TRAPPC9: variants seen among roughly 807,000 people sequenced by gnomAD.
TRAPPC9 encodes the protein trafficking protein particle complex subunit 9, also known as IKK2 binding protein.
A neutral mutation model predicts 124.0 loss-of-function variants in TRAPPC9; 83 were observed. That is an observed-to-expected ratio of 0.67 (90% CI 0.56 to 0.80). TRAPPC9 has a LOEUF of 0.80. Among genes scored for constraint, TRAPPC9 ranks in the 30% least tolerant of loss-of-function variants. The pLI, the probability that TRAPPC9 is intolerant of heterozygous loss-of-function variation, is 0.00. For synonymous variants in TRAPPC9, 638 were observed against 617.5 expected (o/e 1.03, Z -0.49); for missense variants, 1,302 against 1,508.3 (o/e 0.86, Z 2.27).
chr8:140,269,312 C>T (rs982947325), intron 15 of TRAPPC9, among the ~76,000 whole-genome samples: 5 of 151,564 alleles, frequency 3.3e-5, no homozygotes, highest in East Asian at 1.9e-4. Flanking sequence ...GAGACTGAGG[C>T]GGGCAGATCA....
At chr8:140,068,022 G>GA (rs397810409) in intron 17 of TRAPPC9, among the ~76,000 whole-genome samples, 5 of 12,654 alleles carry the variant, frequency 4.0e-4, no homozygotes, top group African/African-American at 2.5e-3. Context: ...TCCATTTTTT[G>GA]TTGCCCGTAT....
intron 11 of TRAPPC9, 98 bp downstream of exon 11, chr8:140,300,371 A>T: frequency 6.7e-7 from 1 of 1,483,696 alleles, no homozygotes; most frequent in Non-Finnish European, 9.4e-7. Flanking sequence ...ACACATGCAC[A>T]TGCATGAACT....
chr8:140,130,403 A>C (rs1335676634), intron 17 of TRAPPC9, among the ~76,000 whole-genome samples: 1 of 152,202 alleles, frequency 6.6e-6, no homozygotes, highest in African/African-American at 2.4e-5. Flanking sequence ...GTACGATGGG[A>C]ACATGGCATC....
At chr8:139,803,944 T>C (rs1304585304) in intron 21 of TRAPPC9, among the ~76,000 whole-genome samples, 1 of 152,064 alleles carries the variant, frequency 6.6e-6, no homozygotes, top group Non-Finnish European at 1.5e-5. Context: ...TGAAGAAAGA[T>C]GGTCCCCAAT....
intron 20 of TRAPPC9, among the ~76,000 whole-genome samples, chr8:139,896,816 A>C (rs1191401876): frequency 6.6e-6 from 1 of 152,222 alleles, no homozygotes; most frequent in East Asian, 1.9e-4. Flanking sequence ...GCCCAGAGGG[A>C]AGCCCAGCAC....
intron 18 of TRAPPC9, among the ~76,000 whole-genome samples, chr8:140,022,723 C>A (rs1839895259): frequency 6.6e-6 from 1 of 152,182 alleles, no homozygotes; most frequent in Admixed American, 6.5e-5. Flanking sequence ...CAAGCTTCCC[C>A]AGGGGCAAGT....
chr8:139,828,049 A>G (rs1017098889), intron 21 of TRAPPC9, among the ~76,000 whole-genome samples: 2 of 152,150 alleles, frequency 1.3e-5, no homozygotes, highest in Non-Finnish European at 2.9e-5. Context: ...AACACCTCCC[A>G]CCAGGCCCCA....
At chr8:140,081,368 C>CA (rs1283767198) in intron 17 of TRAPPC9, among the ~76,000 whole-genome samples, 1 of 110,432 alleles carries the variant, frequency 9.1e-6, no homozygotes, top group Non-Finnish European at 1.9e-5. Flanking sequence ...TTTTTTGAGA[C>CA]AGAGTCTCAC....
intron 9 of TRAPPC9, among the ~76,000 whole-genome samples, chr8:140,334,210 A>AT (rs1260905537): frequency 6.6e-6 from 1 of 152,198 alleles, no homozygotes; most frequent in African/African-American, 2.4e-5. Context: ...TCCACCCTCT[A>AT]TAAGGAAGAA....
intron 19 of TRAPPC9, among the ~76,000 whole-genome samples, chr8:139,968,534 T>C (rs1374823768): frequency 6.6e-6 from 1 of 152,206 alleles, no homozygotes; most frequent in East Asian, 1.9e-4. Flanking sequence ...TGGGCAGGGA[T>C]ACGTGCATTC....
At chr8:140,442,473 C>T (rs2132647810) in intron 2 of TRAPPC9, among the ~76,000 whole-genome samples, 1 of 151,932 alleles carries the variant, frequency 6.6e-6, no homozygotes, top group African/African-American at 2.4e-5. Flanking sequence ...GTGGCAGGCG[C>T]CGTAGTCCCA....
At chr8:139,928,534 T>A (rs1230763379) in intron 19 of TRAPPC9, among the ~76,000 whole-genome samples, 1 of 151,432 alleles carries the variant, frequency 6.6e-6, no homozygotes, top group Non-Finnish European at 1.5e-5. Flanking sequence ...TGGGTTCAAA[T>A]CTTAGGCCTG....
At chr8:140,370,613 A>G (rs893826948) in intron 8 of TRAPPC9, among the ~76,000 whole-genome samples, 3 of 152,248 alleles carry the variant, frequency 2.0e-5, no homozygotes, top group African/African-American at 7.2e-5. Context: ...CATATACCCA[A>G]GGATATTTAT....
chr8:139,910,220 T>C lies in TRAPPC9; in HGVS notation c.2891A>G (p.Lys964Arg). The change falls in exon 20 of 23, where the codon AAG becomes AGG. Residue 964 changes from lysine (K) to arginine (R), a missense_variant. Coordinates refer to ENST00000438773, the MANE Select transcript of TRAPPC9 (RefSeq NM_001160372.4). ...TTCCCGCCGCTCTTCCTCCAGCTGC[T>C]TGGGGTTTGCAAATTGCCCCTTCTC... is the stretch of plus-strand genomic sequence containing the variant. ...PGEKGQFANP[K>R]QLEEERREAR... 1 of 1,614,168 alleles carries C rather than the reference T, an allele frequency of 6.2e-7. No homozygotes were observed. The highest frequency in any genetic ancestry group is 8.5e-7 in the Non-Finnish European group (1 of 1,180,038).
At chr8:140,296,423 C>G (rs1414372982) in intron 11 of TRAPPC9, among the ~76,000 whole-genome samples, 1 of 152,162 alleles carries the variant, frequency 6.6e-6, no homozygotes, top group Non-Finnish European at 1.5e-5. Context: ...CGCCACCAGG[C>G]CTGGCTATTT....
At chr8:140,366,190 T>G (rs947104238) in intron 8 of TRAPPC9, among the ~76,000 whole-genome samples, 4 of 152,234 alleles carry the variant, frequency 2.6e-5, no homozygotes, top group Admixed American at 2.6e-4. Context: ...TGAGGTTGAT[T>G]CCATATCTTT....
chr8:140,239,685 GC>G (rs1360208117), intron 16 of TRAPPC9, among the ~76,000 whole-genome samples: 1 of 152,226 alleles, frequency 6.6e-6, no homozygotes, highest in Non-Finnish European at 1.5e-5. Flanking sequence ...GCTCTCGCCA[GC>G]CCCTGGGCTC....
chr8:140,252,742 C>G lies in TRAPPC9; in HGVS notation c.2431+35G>C. 1 of 1,609,832 alleles carries G rather than the reference C, an allele frequency of 6.2e-7. No individual in the cohort carries two copies. Among genetic ancestry groups the G allele is most frequent in the Non-Finnish European group, 8.5e-7 (1 of 1,179,714 alleles). On this transcript the variant is annotated intron_variant, in intron 16 of 22. Coordinates refer to ENST00000438773, the MANE Select transcript of TRAPPC9 (RefSeq NM_001160372.4). The surrounding 1 kb of genome is among the most constrained non-coding windows in gnomAD (Gnocchi z 4.2). Reference sequence around the variant, plus strand: ...GGGGTTGCTACACAGTATCTAGGACCCTGACGTGCTAATTAAAATTAGGAA... The same window carrying G: ...GGGGTTGCTACACAGTATCTAGGACGCTGACGTGCTAATTAAAATTAGGAA...
chr8:139,956,464 G>A lies in TRAPPC9; in HGVS notation c.2810+32262C>T, dbSNP rs113600536. On this transcript the variant is annotated intron_variant, in intron 19 of 22. Transcript: ENST00000438773. ...GCGTGAGCCACCGCGCCCGGCCCAT[G>A]GGATGTTGTTTCTGAGGCATGTGTC... Among the ~76,000 whole-genome samples, 378 of 152,280 alleles carry A rather than the reference G, an allele frequency of 2.5e-3. 4 individuals carry two copies. The highest frequency in any genetic ancestry group is 7.8e-3 in the African/African-American group (325 of 41,572).
Sources: gnomAD v4.1 joint callset for allele counts (sites outside exome capture counted in the v4.1 genomes callset) on GRCh38, gnomAD v4.1.1 for gene constraint, Gnocchi (gnomAD v3.1) non-coding constraint, MANE v1.5 for transcripts, NCBI Gene and HGNC (gene_info 2026-07-23, HGNC 2026-07-21) for gene names.